TC2N: variants seen among roughly 807,000 people sequenced by gnomAD.
TC2N encodes tandem C2 domains, nuclear.
TC2N carries 51 observed loss-of-function variants against 61.9 expected under a neutral mutation model. The ratio of observed to expected loss-of-function variants is 0.82; its 90% CI spans 0.66 to 1.04. The LOEUF is 1.04. Ranked by LOEUF, TC2N falls within the 50% of genes least tolerant of loss-of-function variation. The pLI is 0.00. For missense variants in TC2N, 556 were observed against 566.7 expected, an observed-to-expected ratio of 0.98 and a Z score of 0.19; for synonymous variants, 204 against 192.6, an observed-to-expected ratio of 1.06 and a Z score of -0.49.
Position 91,835,922 on chromosome 14 carries a change from T to C in TC2N, c.-56-22097A>G, listed in dbSNP as rs985772130. ...CGCCCGGCGCGCGGCCGTCCCCGCC[T>C]GGGCTGGGGTCTCCACCGTCCCCGG... is the stretch of plus-strand genomic sequence containing the variant. On this transcript the variant is annotated intron_variant, in intron 1 of 11. Transcript: ENST00000435962. Among the ~76,000 whole-genome samples the C allele has an allele frequency of 1.9e-3, 295 of 152,206 alleles. 3 individuals are homozygous for C. Among genetic ancestry groups the C allele is most frequent in the Non-Finnish European group, 2.9e-3 (195 of 67,984 alleles).
At chr14:91,802,448 A>C in intron 3 of TC2N, 27 bp from the exon 4 acceptor site, 2 of 1,604,912 alleles carry the variant, frequency 1.2e-6, no homozygotes, top group Non-Finnish European at 1.7e-6. Flanking sequence ...CTAAAAGTTT[A>C]TAACATCCTT....
At chr14:91,833,166 C>T (rs113813590) in intron 1 of TC2N, among the ~76,000 whole-genome samples, 1,642 of 152,188 alleles carry the variant, frequency 0.011, 31 homozygotes, top group African/African-American at 0.035. Flanking sequence ...TACATAGGCA[C>T]GGGGCTATTT....
At chr14:91,856,812 G>T (rs1199609286) in intron 1 of TC2N, among the ~76,000 whole-genome samples, 1 of 152,112 alleles carries the variant, frequency 6.6e-6, no homozygotes, top group African/African-American at 2.4e-5. Flanking sequence ...CTGGCCTCTT[G>T]GTGTTTTTTG....
intron 1 of TC2N, among the ~76,000 whole-genome samples, chr14:91,847,938 C>A (rs1483473751): frequency 1.3e-5 from 2 of 152,144 alleles, no homozygotes; most frequent in Non-Finnish European, 2.9e-5. Context: ...TAAGTTTCAT[C>A]CTAAATCTAG....
intron 7 of TC2N, 99 bp downstream of exon 7, chr14:91,798,200 G>A: frequency 6.4e-6 from 4 of 625,114 alleles, no homozygotes; most frequent in South Asian, 2.5e-5. Flanking sequence ...TGTCAAAGGT[G>A]GCATTGGCCC....
At chr14:91,845,047 G>C (rs1483468482) in intron 1 of TC2N, among the ~76,000 whole-genome samples, 3 of 151,940 alleles carry the variant, frequency 2.0e-5, no homozygotes, top group African/African-American at 7.3e-5. Flanking sequence ...GACCAGCCTG[G>C]CCAACATGGC....
At chr14:91,849,459 A>G (rs557563645) in intron 1 of TC2N, among the ~76,000 whole-genome samples, 1 of 152,352 alleles carries the variant, frequency 6.6e-6, no homozygotes, top group Non-Finnish European at 1.5e-5. Context: ...GAAGGATTCC[A>G]AAGGCATTAG....
intron 1 of TC2N, among the ~76,000 whole-genome samples, chr14:91,823,218 C>G (rs773224466): frequency 2.5e-4 from 38 of 151,976 alleles, no homozygotes; most frequent in Admixed American, 4.6e-4. Flanking sequence ...GAGCCGAAGG[C>G]TTAGAAATCA....
chr14:91,832,645 G>A (rs1388884463), intron 1 of TC2N, among the ~76,000 whole-genome samples: 1 of 152,174 alleles, frequency 6.6e-6, no homozygotes, highest in Non-Finnish European at 1.5e-5. Context: ...CATCCCGCTT[G>A]TGAGGCTATA....
At chr14:91,865,770 T>C (rs1227512800) in intron 1 of TC2N, among the ~76,000 whole-genome samples, 2 of 152,320 alleles carry the variant, frequency 1.3e-5, no homozygotes, top group African/African-American at 2.4e-5. Flanking sequence ...GTCTTAATAA[T>C]TTTTAAAATC....
At chr14:91,795,716 A>G (rs1271965156) in intron 8 of TC2N, among the ~76,000 whole-genome samples, 1 of 152,122 alleles carries the variant, frequency 6.6e-6, no homozygotes, top group Non-Finnish European at 1.5e-5. Context: ...GCTTTATTGC[A>G]ATGTTCATTT....
At chr14:91,849,882 T>A (rs1490552663) in intron 1 of TC2N, among the ~76,000 whole-genome samples, 1 of 152,048 alleles carries the variant, frequency 6.6e-6, no homozygotes, top group African/African-American at 2.4e-5. Flanking sequence ...ACCCTGTCTC[T>A]ACTAAAAGTA....
intron 1 of TC2N, 104 bp downstream of exon 1, chr14:91,867,158 T>A (rs558857899): frequency 1.3e-5 from 2 of 152,248 alleles, no homozygotes; most frequent in South Asian, 4.1e-4. Context: ...CCTTAAAGAC[T>A]CGGATCTGGT....
intron 9 of TC2N, among the ~76,000 whole-genome samples, chr14:91,791,205 GAA>G (rs1885636642): frequency 8.2e-5 from 6 of 73,506 alleles, no homozygotes; most frequent in East Asian, 4.8e-4. Context: ...GGGGAGGGGA[GAA>G]GAGGGGAGGG....
intron 8 of TC2N, among the ~76,000 whole-genome samples, chr14:91,795,506 C>A (rs1885853534): frequency 6.6e-6 from 1 of 152,150 alleles, no homozygotes; most frequent in Non-Finnish European, 1.5e-5. Flanking sequence ...CCATCAACAT[C>A]AAGGCAAAAC....
chr14:91,787,648 A>C, intron 9 of TC2N, 21 bp from the exon 10 acceptor site: 1 of 1,398,092 alleles, frequency 7.2e-7, no homozygotes, highest in South Asian at 1.2e-5. Flanking sequence ...AAAAAGTGTC[A>C]TTTGGTAGTT....
At chr14:91,814,382 A>T (rs1886917113) in intron 1 of TC2N, among the ~76,000 whole-genome samples, 1 of 150,914 alleles carries the variant, frequency 6.6e-6, no homozygotes, top group Admixed American at 6.6e-5. Context: ...TCAAGGGCAA[A>T]CCTAGAAATA....
At chr14:91,791,321 G>T (rs560105614) in intron 9 of TC2N, among the ~76,000 whole-genome samples, 2 of 152,158 alleles carry the variant, frequency 1.3e-5, no homozygotes, top group East Asian at 3.9e-4. Context: ...GCTCCCAGAT[G>T]ATTCTAATGT....
At chr14:91,820,499 C>T (rs1014519375) in intron 1 of TC2N, among the ~76,000 whole-genome samples, 3 of 151,306 alleles carry the variant, frequency 2.0e-5, no homozygotes, top group African/African-American at 7.3e-5. Flanking sequence ...CTATAGTTAA[C>T]ATCACAGGAA....
Sources: gnomAD v4.1 joint callset for allele counts (sites outside exome capture counted in the v4.1 genomes callset) on GRCh38, gnomAD v4.1.1 for gene constraint, MANE v1.5 for transcripts, NCBI Gene and HGNC (gene_info 2026-07-23, HGNC 2026-07-21) for gene names.